The following CDCA7 variants were observed in gnomAD, a reference collection of about 807,000 sequenced individuals.
CDCA7 encodes the protein cell division cycle associated 7, also known as cell division cycle-associated protein 7.
Under a neutral mutation model 54.0 loss-of-function variants are expected in CDCA7, and 28 were observed. The observed-to-expected ratio is 0.52, with a 90% CI of 0.38 to 0.71. CDCA7 has a LOEUF of 0.71. Ranked by LOEUF, CDCA7 falls within the 30% of genes least tolerant of loss-of-function variation. The pLI, the probability that CDCA7 is intolerant of heterozygous loss-of-function variation, is 0.00. For synonymous variants in CDCA7, 180 were observed against 208.2 expected (o/e 0.86, Z 1.16); for missense variants, 484 against 586.0 (o/e 0.83, Z 1.80).
chr2:173,368,814 T>C lies in CDCA7; in HGVS notation c.*1150T>C, dbSNP rs1305655357. On this transcript the variant is annotated 3_prime_UTR_variant, in exon 10 of 10. Coordinates refer to ENST00000306721, the MANE Select transcript of CDCA7 (RefSeq NM_031942.5). ...GTGCCATTCAATGTTTGATGCATAA[T>C]TGGACCTTGAATCGATAAGTGTAAA... 2.0e-5 allele frequency: 3 copies of C among 152,246 alleles called. No individual in the cohort carries two copies. The highest frequency in any genetic ancestry group is 4.4e-5 in the Non-Finnish European group (3 of 68,048). 9.4% of individuals were successfully genotyped at this position (152,246 alleles called of 1,614,324 possible).
At chr2:173,357,966 C>T (rs12987126) in intron 1 of CDCA7, among the ~76,000 whole-genome samples, 1 of 151,722 alleles carries the variant, frequency 6.6e-6, no homozygotes, top group African/African-American at 2.4e-5. Context: ...TTTGGGAGGC[C>T]GAGGCAGGCA....
At chr2:173,356,993 G>A (rs1337189288) in intron 1 of CDCA7, among the ~76,000 whole-genome samples, 1 of 152,192 alleles carries the variant, frequency 6.6e-6, no homozygotes, top group South Asian at 2.1e-4. Context: ...GTTAGGCCAA[G>A]AAGGAGGGCA....
chr2:173,365,782 T>G (rs1686709094), intron 7 of CDCA7, among the ~76,000 whole-genome samples, 190 bp downstream of exon 7: 1 of 152,238 alleles, frequency 6.6e-6, no homozygotes, highest in African/African-American at 2.4e-5. Context: ...TGGAATTATC[T>G]GCTTAGTAAG....
chr2:173,364,269 G>GA, intron 5 of CDCA7: 1 of 173,106 alleles, frequency 5.8e-6, no homozygotes, highest in Non-Finnish European at 1.2e-5. Flanking sequence ...AATAAAAGAA[G>GA]AAAATCACAA....
chr2:173,355,683 A>G (rs886618216), intron 1 of CDCA7, among the ~76,000 whole-genome samples: 9 of 20,290 alleles, frequency 4.4e-4, no homozygotes, highest in African/African-American at 1.8e-3. Flanking sequence ...CCCACCCCCC[A>G]CCCCCCAGCC....
chr2:173,365,302 A>G, intron 6 of CDCA7, 150 bp from the exon 7 acceptor site: 1 of 947,790 alleles, frequency 1.1e-6, no homozygotes, highest in Non-Finnish European at 1.5e-6. Context: ...GTTTGTGTGA[A>G]GAAATTACAA....
chr2:173,363,709 A>G (rs750411072), intron 4 of CDCA7, 109 bp from the exon 5 acceptor site: 15 of 1,145,914 alleles, frequency 1.3e-5, no homozygotes, highest in Admixed American at 1.9e-5. Flanking sequence ...TCAGCTTACT[A>G]TCAAATATAA....
Position 173,368,445 on chromosome 2 carries a change from T to G in CDCA7, c.*781T>G, listed in dbSNP as rs1686762837. The G allele has an allele frequency of 1.3e-5, 2 of 152,222 alleles. No individual in the cohort carries two copies. The highest frequency in any genetic ancestry group is 4.8e-5 in the African/African-American group (2 of 41,464). 9.4% of individuals were successfully genotyped at this position (152,222 alleles called of 1,614,324 possible). On this transcript the variant is annotated 3_prime_UTR_variant, in exon 10 of 10. Transcript: ENST00000306721. ...TTAGTATAATTGTAGTTTGCAAAGT[T>G]TATTTCAGTTCACATGTAAGGTATT...
chr2:173,358,305 A>G (rs535907872), intron 1 of CDCA7, among the ~76,000 whole-genome samples: 28 of 151,992 alleles, frequency 1.8e-4, no homozygotes, highest in Admixed American at 5.2e-4. Flanking sequence ...CGGTGGGAGG[A>G]TCACTTGAGC....
chr2:173,356,399 C>T (rs11902112), intron 1 of CDCA7, among the ~76,000 whole-genome samples: 16,155 of 152,150 alleles, frequency 0.11, 1,482 homozygotes, highest in East Asian at 0.29. Context: ...TGCAGTAATG[C>T]GATGAACACT....
At chr2:173,365,262 A>G (rs541820118) in intron 6 of CDCA7, among the ~76,000 whole-genome samples, 190 bp from the exon 7 acceptor site, 2 of 152,206 alleles carry the variant, frequency 1.3e-5, no homozygotes, top group African/African-American at 4.8e-5. Context: ...TTCCCCTACC[A>G]TAAGCTCTAG....
rs1558951958 is a variant in CDCA7, at chr2:173,367,613, AT to A, written c.1323-18del. The A allele has an allele frequency of 1.2e-6, 2 of 1,613,912 alleles. No individual in the cohort carries two copies. The highest frequency in any genetic ancestry group is 1.7e-6 in the Non-Finnish European group (2 of 1,179,884). On this transcript the variant is annotated intron_variant, in intron 9 of 9. Coordinates refer to ENST00000306721, the MANE Select transcript of CDCA7 (RefSeq NM_031942.5). ...TTGGTTGAAAACTATGTCCTGACAC[AT>A]TTCCTTTTGTTTTTCACAGCCTGAA...
chr2:173,359,909 A>G (rs1364213890), intron 3 of CDCA7, among the ~76,000 whole-genome samples: 2 of 152,206 alleles, frequency 1.3e-5, no homozygotes, highest in Admixed American at 6.5e-5. Context: ...AAAACCTGTG[A>G]TAACTTACGT....
chr2:173,362,236 TTAGAGAAGTACC>T (rs1474170457), intron 3 of CDCA7, among the ~76,000 whole-genome samples: 1 of 152,188 alleles, frequency 6.6e-6, no homozygotes, highest in Non-Finnish European at 1.5e-5. Flanking sequence ...TAAAAGTAGA[TTAGAGAAGTACC>T]TAGAGAAGTC....
intron 1 of CDCA7, among the ~76,000 whole-genome samples, chr2:173,356,005 G>C (rs186529450): frequency 7.9e-4 from 120 of 152,248 alleles, no homozygotes; most frequent in Non-Finnish European, 1.4e-3. Flanking sequence ...CATGGGACTT[G>C]AGTAATCCAT....
chr2:173,358,262 T>C (rs1240867648), intron 1 of CDCA7, among the ~76,000 whole-genome samples: 1 of 151,516 alleles, frequency 6.6e-6, no homozygotes, highest in East Asian at 1.9e-4. Context: ...ATACAGTAGC[T>C]AATGCCTGTA....
At chr2:173,365,615 T>A in intron 7 of CDCA7, 23 bp downstream of exon 7, 1 of 1,611,210 alleles carries the variant, frequency 6.2e-7, no homozygotes, top group Non-Finnish European at 8.5e-7. Flanking sequence ...AAATTACACC[T>A]GAGAATGTAA....
intron 5 of CDCA7, 96 bp from the exon 6 acceptor site, chr2:173,364,699 A>G: frequency 6.7e-7 from 1 of 1,493,542 alleles, no homozygotes; most frequent in African/African-American, 1.5e-5. Flanking sequence ...AGCTCTCTTT[A>G]CTTAAAACAT....
rs889368336 is a variant in CDCA7 at position 173,359,481 on chromosome 2, A to C, written c.374A>C (p.Gln125Pro). ...SFCGFSESEI[Q>P]DGMRLQSVRE... ...TGCGGTTTCTCAGAGAGTGAGATACAAGATGGAATGGTGAGTTCGAGAATT... is the reference window on the plus strand; with the variant it reads ...TGCGGTTTCTCAGAGAGTGAGATACCAGATGGAATGGTGAGTTCGAGAATT... The change falls in exon 3 of 10, where the codon CAA becomes CCA. Residue 125 changes from glutamine (Q) to proline (P), a missense_variant. Around this residue, in one of 3 missense-constraint regions of CDCA7, gnomAD observed 398 missense variants for 447.4 expected, o/e 0.89. Coordinates refer to ENST00000306721, the MANE Select transcript of CDCA7 (RefSeq NM_031942.5). 3 of 1,613,462 alleles carry C rather than the reference A, an allele frequency of 1.9e-6. No homozygotes were observed. The African/African-American group carries it at 4.0e-5, about 22-fold the overall frequency.
Sources: gnomAD v4.1 joint callset for allele counts (sites outside exome capture counted in the v4.1 genomes callset) on GRCh38, gnomAD v4.1.1 for gene constraint, gnomAD v4.1.1 regional missense constraint, MANE v1.5 for transcripts, NCBI Gene and HGNC (gene_info 2026-07-23, HGNC 2026-07-21) for gene names.